BLM: variants seen among roughly 807,000 people sequenced by gnomAD.
BLM encodes recQ-like DNA helicase BLM.
Under a neutral mutation model 135.3 loss-of-function variants are expected in BLM, and 95 were observed. The observed-to-expected ratio is 0.70, with a 90% CI of 0.59 to 0.83. The LOEUF is 0.83. BLM is among the 40% of genes least tolerant of loss of function. The pLI, the probability that BLM is intolerant of heterozygous loss-of-function variation, is 0.00. For synonymous variants in BLM, 520 were observed against 589.2 expected (o/e 0.88, Z 1.70); for missense variants, 1,518 against 1,663.9 (o/e 0.91, Z 1.53).
chr15:90,779,970 T>G (rs532737582), intron 12 of BLM, among the ~76,000 whole-genome samples: 1 of 152,234 alleles, frequency 6.6e-6, no homozygotes, highest in Admixed American at 6.5e-5. Flanking sequence ...CCTGGAACAG[T>G]GCACAGTGGT....
chr15:90,726,272 T>A (rs979999027), intron 1 of BLM, among the ~76,000 whole-genome samples: 1 of 152,194 alleles, frequency 6.6e-6, no homozygotes, highest in Non-Finnish European at 1.5e-5. Flanking sequence ...TATATTCTTT[T>A]CTTTCCTTTT....
chr15:90,749,354 CATT>C lies in BLM; in HGVS notation c.99-9_99-7del, dbSNP rs1229333064. 3.8e-6 allele frequency: 6 copies of C among 1,574,892 alleles called. No homozygotes were observed. Among genetic ancestry groups the C allele is most frequent in the Non-Finnish European group, 5.2e-6 (6 of 1,147,988 alleles). ...ATGGATCCATCTAATCTAGTTTTTC[CATT>C]ATTTTTCAGAGGTTTCACTTTTAAA... On this transcript the variant is annotated splice_polypyrimidine_tract_variant and intron_variant, in intron 2 of 21. Transcript: ENST00000355112.
At position 90,729,364 on chromosome 15, in the gene BLM, A is replaced by T. The variant is rs78572921; in HGVS notation, c.-5+11924A>T. Among the ~76,000 whole-genome samples the T allele has an allele frequency of 5.6e-3, 848 of 152,316 alleles. 10 individuals carry two copies. Among genetic ancestry groups the T allele is most frequent in the East Asian group, 0.042 (216 of 5,188 alleles). On this transcript the variant is annotated intron_variant, in intron 1 of 21. Transcript: ENST00000355112. The stretch of plus-strand genomic sequence containing the variant: ...AACAACAACATAGATTTATTATCTT[A>T]TAGTTCTGTAGTTCAGAAGTCTGAA...
rs550285096 is a variant in BLM at position 90,731,020 on chromosome 15, A to G, written c.-5+13580A>G. ...GAGTGCAGTGGTGTGACTTCAGCTC[A>G]CTGCAGCCTTGATCTCCCAAGTCAT... is the stretch of plus-strand genomic sequence containing the variant. On this transcript the variant is annotated intron_variant, in intron 1 of 21. Coordinates refer to ENST00000355112, the MANE Select transcript of BLM (RefSeq NM_000057.4). 6.6e-5 allele frequency among the ~76,000 whole-genome samples: 10 copies of G among 152,204 alleles called. No homozygotes were observed. The South Asian group carries it at 1.2e-3, about 19-fold the overall frequency.
Position 90,760,790 on chromosome 15 carries a change from A to G in BLM, c.1417A>G (p.Thr473Ala), listed in dbSNP as rs1596229797. The G allele has an allele frequency of 6.2e-7, 1 of 1,613,914 alleles. No homozygotes were observed. The highest frequency in any genetic ancestry group is 1.3e-5 in the African/African-American group (1 of 74,916). The change falls in exon 7 of 22, where the codon ACC (threonine) becomes GCC (alanine). Residue 473 changes from threonine to alanine, a missense_variant. Around this residue, in one of 5 missense-constraint regions of BLM, gnomAD observed 724 missense variants for 756.9 expected, o/e 0.96. Coordinates refer to ENST00000355112, the MANE Select transcript of BLM (RefSeq NM_000057.4). ...TCCTGGGGACTGTTTACTGACTACCACCCTAGGAAAGACAGGATTCTCTGC... is the reference window on the plus strand; with the variant it reads ...TCCTGGGGACTGTTTACTGACTACCGCCCTAGGAAAGACAGGATTCTCTGC... ...VSPGDCLLTT[T>A]LGKTGFSATR...
chr15:90,774,250 T>G (rs1223966171), intron 12 of BLM, among the ~76,000 whole-genome samples: 1 of 151,604 alleles, frequency 6.6e-6, no homozygotes, highest in African/African-American at 2.4e-5. Flanking sequence ...TTTTGTATTT[T>G]TAGTAGAGAT....
At chr15:90,806,379 C>T (rs1226103231) in intron 19 of BLM, among the ~76,000 whole-genome samples, 3 of 151,976 alleles carry the variant, frequency 2.0e-5, no homozygotes, top group Admixed American at 1.3e-4. Context: ...GGCGTGGTGG[C>T]GGGCGCTTGT....
In BLM at chr15:90,751,801, A is replaced by G; in HGVS notation, c.814A>G (p.Lys272Glu). 1 of 1,612,330 alleles carries G rather than the reference A, an allele frequency of 6.2e-7. No individual in the cohort carries two copies. The highest frequency in any genetic ancestry group is 8.5e-7 in the Non-Finnish European group (1 of 1,178,514). The change falls in exon 4 of 22, where the codon AAG becomes GAG. Residue 272 changes from lysine to glutamate, a missense_variant. Transcript: ENST00000355112. ...TTTTACTGTAGATAATAGCGAAAAG[A>G]AGAAGAATTTGGAAGAAGCTGAATT... Reference protein sequence around the residue: ...LEDERDNSEKKKNLEEAELHS... With the variant: ...LEDERDNSEKEKNLEEAELHS...
At chr15:90,803,986 C>T (rs1369014877) in intron 18 of BLM, among the ~76,000 whole-genome samples, 181 bp from the exon 19 acceptor site, 1 of 152,190 alleles carries the variant, frequency 6.6e-6, no homozygotes, top group Non-Finnish European at 1.5e-5. Flanking sequence ...AGAGGCTATT[C>T]TATGCTTGAC....
At chr15:90,739,790 G>A (rs578174259) in intron 1 of BLM, among the ~76,000 whole-genome samples, 2 of 151,974 alleles carry the variant, frequency 1.3e-5, no homozygotes, top group Non-Finnish European at 2.9e-5. Context: ...TTTTGAGACA[G>A]GGTCTTGCTC....
intron 1 of BLM, among the ~76,000 whole-genome samples, chr15:90,717,911 G>A (rs968690539): frequency 6.6e-6 from 1 of 152,210 alleles, no homozygotes; most frequent in Non-Finnish European, 1.5e-5. Context: ...TGGCACCCTT[G>A]ATCTTACAAC....
chr15:90,789,054 T>C (rs2151183131), intron 14 of BLM, among the ~76,000 whole-genome samples: 1 of 151,460 alleles, frequency 6.6e-6, no homozygotes, highest in Non-Finnish European at 1.5e-5. Context: ...TATATATATA[T>C]ATATATATAA....
intron 1 of BLM, among the ~76,000 whole-genome samples, chr15:90,727,865 A>G (rs2151130374): frequency 6.6e-6 from 1 of 151,100 alleles, no homozygotes; most frequent in Admixed American, 6.6e-5. Context: ...CCAGCAAAAT[A>G]TTGAACTTAG....
chr15:90,799,403 T>C (rs1897111596), intron 17 of BLM, among the ~76,000 whole-genome samples: 1 of 151,738 alleles, frequency 6.6e-6, no homozygotes, highest in Admixed American at 6.6e-5. Context: ...GTGGAGAGGT[T>C]GGAAAATAAA....
chr15:90,780,166 C>A (rs1251926040), intron 12 of BLM, among the ~76,000 whole-genome samples: 1 of 151,236 alleles, frequency 6.6e-6, no homozygotes, highest in Non-Finnish European at 1.5e-5. Context: ...CTCACTGCAA[C>A]CTCCGCCTCT....
intron 1 of BLM, among the ~76,000 whole-genome samples, chr15:90,737,091 A>G (rs890537667): frequency 6.6e-6 from 1 of 152,204 alleles, no homozygotes; most frequent in Non-Finnish European, 1.5e-5. Flanking sequence ...GGACTGACCA[A>G]TCAAGTAACT....
At chr15:90,780,370 A>G (rs990222379) in intron 12 of BLM, among the ~76,000 whole-genome samples, 24 of 152,188 alleles carry the variant, frequency 1.6e-4, no homozygotes, top group African/African-American at 3.4e-4. Context: ...GGCGTGAGCC[A>G]CCGCGCCCGT....
At chr15:90,813,551 G>A (rs1447405656) in intron 21 of BLM, among the ~76,000 whole-genome samples, 2 of 152,102 alleles carry the variant, frequency 1.3e-5, no homozygotes, top group African/African-American at 4.8e-5. Context: ...ACGCCACCAC[G>A]CTGGGCTAAT....
chr15:90,765,328 G>C lies in BLM; in HGVS notation c.2107G>C (p.Ala703Pro), dbSNP rs1246483498. 6.2e-7 allele frequency: 1 copy of C among 1,613,516 alleles called. No individual in the cohort carries two copies. Among genetic ancestry groups the C allele is most frequent in the Non-Finnish European group, 8.5e-7 (1 of 1,179,630 alleles). ...GGKSLCYQLP[A>P]CVSPGVTVVI... ...TAAGAGTTTGTGTTACCAGCTCCCTGCCTGTGTTTCTCCTGGGGTCACTGT... is the reference window on the plus strand; with the variant it reads ...TAAGAGTTTGTGTTACCAGCTCCCTCCCTGTGTTTCTCCTGGGGTCACTGT... The change falls in exon 9 of 22, where the codon GCC becomes CCC. Residue 703 changes from alanine (A) to proline (P), a missense_variant. Around this residue, in one of 5 missense-constraint regions of BLM, gnomAD observed 626 missense variants for 681.1 expected, o/e 0.92. Transcript: ENST00000355112.
Sources: allele counts gnomAD v4.1 joint callset (sites outside exome capture counted in the v4.1 genomes callset), GRCh38; gene constraint gnomAD v4.1.1; regional missense constraint gnomAD v4.1.1; transcripts MANE v1.5; gene names NCBI Gene and HGNC (gene_info 2026-07-23, HGNC 2026-07-21).